TAMM41: variants seen among roughly 807,000 people sequenced by gnomAD.
TAMM41 encodes the protein TAM41 mitochondrial translocator assembly and maintenance homolog.
In TAMM41, 36 loss-of-function variants were observed where a neutral mutation model predicts 44.1. The observed-to-expected ratio is 0.82, with a 90% CI of 0.63 to 1.08. The LOEUF (loss-of-function observed/expected upper bound fraction) is 1.08, where lower values mean the gene tolerates loss of function less well. TAMM41 is among the 50% of genes least tolerant of loss of function. The pLI is 0.00. For missense variants in TAMM41, 417 were observed against 404.3 expected (o/e 1.03, Z -0.27); for synonymous variants, 164 against 153.1 (o/e 1.07, Z -0.53).
At chr3:11,760,007 A>G in the TAMM41 span, among the ~76,000 whole-genome samples, 1 of 152,106 alleles carries the variant, frequency 6.6e-6, no homozygotes, top group African/African-American at 2.4e-5. Context: ...GAAGAAGAAG[A>G]AAACGTTCCT....
intron 2 of TAMM41, among the ~76,000 whole-genome samples, chr3:11,840,313 A>T (rs1439460595): frequency 1.3e-5 from 2 of 150,558 alleles, no homozygotes; most frequent in Admixed American, 1.3e-4. Context: ...GCTCACCACA[A>T]CCTCCGCCTC....
chr3:11,832,115 G>A (rs1004060878), intron 3 of TAMM41, among the ~76,000 whole-genome samples: 6 of 152,028 alleles, frequency 3.9e-5, no homozygotes, highest in Admixed American at 3.3e-4. Context: ...GTTATATTCT[G>A]GTTAACTTAT....
intron 3 of TAMM41, among the ~76,000 whole-genome samples, chr3:11,837,203 A>G (rs571748660): frequency 3.3e-5 from 5 of 152,312 alleles, no homozygotes; most frequent in African/African-American, 1.2e-4. Context: ...CATTTTTCCC[A>G]TAGATAGCTA....
chr3:11,761,984 A>G, the TAMM41 span, among the ~76,000 whole-genome samples: 9 of 151,498 alleles, frequency 5.9e-5, no homozygotes, highest in Non-Finnish European at 1.3e-4. Flanking sequence ...AGAAAAGAAA[A>G]AAAGAAAAAA....
At chr3:11,821,181 G>A (rs2078504510) in intron 4 of TAMM41, among the ~76,000 whole-genome samples, 1 of 152,206 alleles carries the variant, frequency 6.6e-6, no homozygotes, top group African/African-American at 2.4e-5. Flanking sequence ...TGTGGGTCCA[G>A]GGGACAGTGG....
At chr3:11,736,450 C>T in the TAMM41 span, among the ~76,000 whole-genome samples, 8 of 152,194 alleles carry the variant, frequency 5.3e-5, no homozygotes, top group Non-Finnish European at 1.2e-4. Context: ...CTTTTATTAG[C>T]TTGTTTTGAT....
intron 5 of TAMM41, among the ~76,000 whole-genome samples, chr3:11,813,882 GTA>G (rs998599042): frequency 7.2e-6 from 1 of 139,582 alleles, no homozygotes; most frequent in African/African-American, 2.8e-5. Context: ...ATGTATATAT[GTA>G]TATATGTGTA....
At chr3:11,807,091 C>A in intron 7 of TAMM41, 3 of 871,152 alleles carry the variant, frequency 3.4e-6, no homozygotes, top group Non-Finnish European at 4.1e-6. Flanking sequence ...ATGTGCTTCA[C>A]CAAAATGAGA....
chr3:11,820,969 C>A (rs189610782), intron 4 of TAMM41, among the ~76,000 whole-genome samples: 3 of 152,200 alleles, frequency 2.0e-5, no homozygotes, highest in Non-Finnish European at 4.4e-5. Flanking sequence ...CACAGTACAG[C>A]GGCAAGGCCC....
chr3:11,752,198 C>T, the TAMM41 span, among the ~76,000 whole-genome samples: 1 of 152,010 alleles, frequency 6.6e-6, no homozygotes, highest in Non-Finnish European at 1.5e-5. Context: ...CCAGTGGGTT[C>T]GTGGTCTTGC....
At chr3:11,810,783 G>A (rs993824255) in intron 5 of TAMM41, 1 of 152,022 alleles carries the variant, frequency 6.6e-6, no homozygotes, top group Non-Finnish European at 1.5e-5. Flanking sequence ...TACCAAATGG[G>A]CCAGGAGCAC....
At position 11,800,475 on chromosome 3, in the gene TAMM41, T is replaced by C. The variant is rs7628856; in HGVS notation, c.937+7358A>G. Among the ~76,000 whole-genome samples the C allele has an allele frequency of 6.8e-3, 1,025 of 150,912 alleles. 10 individuals carry two copies. Among genetic ancestry groups the C allele is most frequent in the African/African-American group, 0.024 (972 of 41,076 alleles). On this transcript the variant is annotated intron_variant, in intron 7 of 7. Coordinates refer to ENST00000455809, the MANE Select transcript of TAMM41 (RefSeq NM_001284401.2). ...GAAAGTAAAGGGGTGGAAAAAGATA[T>C]TCCATCCAAAAAGAAATCAAAAGGA...
chr3:11,763,477 T>G, the TAMM41 span, among the ~76,000 whole-genome samples: 10 of 152,282 alleles, frequency 6.6e-5, no homozygotes, highest in South Asian at 2.1e-3. Context: ...ATGGGAAAAT[T>G]GATAAATTAA....
the TAMM41 span, among the ~76,000 whole-genome samples, chr3:11,781,691 T>C: frequency 2.0e-5 from 3 of 151,454 alleles, no homozygotes; most frequent in African/African-American, 7.3e-5. Context: ...GCCAAGATCA[T>C]ACCACTACAC....
chr3:11,745,404 T>C, the TAMM41 span, among the ~76,000 whole-genome samples: 1 of 152,144 alleles, frequency 6.6e-6, no homozygotes, highest in Non-Finnish European at 1.5e-5. Context: ...TTATTCACAA[T>C]AGCCAAAAGG....
At chr3:11,772,361 G>A in the TAMM41 span, among the ~76,000 whole-genome samples, 17 of 151,900 alleles carry the variant, frequency 1.1e-4, no homozygotes, top group East Asian at 3.9e-4. Context: ...GATGGCAGGC[G>A]TGAGCCACCG....
the TAMM41 span, among the ~76,000 whole-genome samples, chr3:11,723,176 GATTACC>G: frequency 6.9e-6 from 1 of 144,808 alleles, no homozygotes; most frequent in Non-Finnish European, 1.5e-5. Flanking sequence ...ATGATGCCAG[GATTACC>G]TGGGTGGGGG....
chr3:11,811,484 T>G (rs2078084428), intron 5 of TAMM41: 1 of 152,174 alleles, frequency 6.6e-6, no homozygotes, highest in South Asian at 2.1e-4. Flanking sequence ...AGGAAAATAA[T>G]GCACTGGAAT....
chr3:11,807,938 C>G (rs1383003534), intron 6 of TAMM41, 43 bp from the exon 7 acceptor site: 3 of 1,484,910 alleles, frequency 2.0e-6, no homozygotes, highest in Non-Finnish European at 2.7e-6. Context: ...AAACCCAAAA[C>G]AGATGTTAGT....
Sources: gnomAD v4.1 joint callset for allele counts (sites outside exome capture counted in the v4.1 genomes callset) on GRCh38, gnomAD v4.1.1 for gene constraint, MANE v1.5 for transcripts, NCBI Gene and HGNC (gene_info 2026-07-23, HGNC 2026-07-21) for gene names.